CERS3: variants seen among roughly 807,000 people sequenced by gnomAD.
CERS3 encodes the protein ceramide synthase 3.
In CERS3, 33 loss-of-function variants were observed where a neutral mutation model predicts 50.3. That is an observed-to-expected ratio of 0.66 (90% CI 0.50 to 0.88). The LOEUF (loss-of-function observed/expected upper bound fraction) is 0.88. Ranked by LOEUF, CERS3 falls within the 40% of genes least tolerant of loss-of-function variation. The pLI is 0.00. For missense variants in CERS3, 470 were observed against 460.3 expected, an observed-to-expected ratio of 1.02 and a Z score of -0.19; for synonymous variants, 176 against 155.2, an observed-to-expected ratio of 1.13 and a Z score of -0.99.
At chr15:100,513,760 C>T (rs1395670275) in intron 2 of CERS3, among the ~76,000 whole-genome samples, 3 of 152,042 alleles carry the variant, frequency 2.0e-5, no homozygotes, top group Non-Finnish European at 4.4e-5. Flanking sequence ...TGGTCTCAAA[C>T]TCCTGGGCTC....
intron 4 of CERS3, among the ~76,000 whole-genome samples, chr15:100,485,327 T>C (rs559376320): frequency 6.6e-6 from 1 of 152,298 alleles, no homozygotes; most frequent in Non-Finnish European, 1.5e-5. Context: ...TTTTGGGAAG[T>C]AGAAGTTGTA....
chr15:100,535,203 T>C (rs1247677500), intron 1 of CERS3, among the ~76,000 whole-genome samples: 1 of 152,232 alleles, frequency 6.6e-6, no homozygotes, highest in Non-Finnish European at 1.5e-5. Context: ...TTAATTTTAT[T>C]TTATTCTTAT....
chr15:100,449,393 C>A (rs2034069960), intron 11 of CERS3, among the ~76,000 whole-genome samples: 1 of 152,220 alleles, frequency 6.6e-6, no homozygotes, highest in Non-Finnish European at 1.5e-5. Flanking sequence ...CAAAGGCCAA[C>A]CTACCTCCTG....
At chr15:100,530,872 C>A (rs2036920811), upstream of CERS3, among the ~76,000 whole-genome samples, 1 of 152,114 alleles carries the variant, frequency 6.6e-6, no homozygotes, top group Non-Finnish European at 1.5e-5. Flanking sequence ...CCCTTGAGGT[C>A]AGGAGTTTGA....
chr15:100,409,023 A>G (rs2031273872), intron 11 of CERS3, among the ~76,000 whole-genome samples: 1 of 152,206 alleles, frequency 6.6e-6, no homozygotes, highest in African/African-American at 2.4e-5. Context: ...GCAATGCTCT[A>G]CAGACCCTTG....
intron 11 of CERS3, among the ~76,000 whole-genome samples, chr15:100,412,056 T>C (rs1047919693): frequency 6.6e-6 from 1 of 152,224 alleles, no homozygotes. Context: ...TCTCTCATTT[T>C]GTGGGTTACC....
chr15:100,438,268 C>G (rs1026990401), intron 11 of CERS3, among the ~76,000 whole-genome samples: 3 of 152,044 alleles, frequency 2.0e-5, no homozygotes, highest in African/African-American at 7.2e-5. Flanking sequence ...TGGTTTCAAT[C>G]TCCTGACCTC....
At chr15:100,497,886 CACACACACACTTT>C (rs761590903) in intron 3 of CERS3, among the ~76,000 whole-genome samples, 25 of 103,610 alleles carry the variant, frequency 2.4e-4, no homozygotes, top group Non-Finnish European at 2.3e-4. Flanking sequence ...CACACACACA[CACACACACACTTT>C]TTTTTTTTTT....
At chr15:100,536,316 G>T (rs2037073887) in intron 1 of CERS3, among the ~76,000 whole-genome samples, 1 of 152,282 alleles carries the variant, frequency 6.6e-6, no homozygotes, top group South Asian at 2.1e-4. Flanking sequence ...ACAGGGTTTT[G>T]CTCTGTTGCT....
intron 11 of CERS3, among the ~76,000 whole-genome samples, chr15:100,447,306 T>C (rs2033982130): frequency 6.6e-6 from 1 of 152,248 alleles, no homozygotes; most frequent in East Asian, 1.9e-4. Context: ...AATAACTCTT[T>C]CAAGCAATTG....
chr15:100,467,846 T>TATAG lies in CERS3; in HGVS notation c.845+1531_845+1532insCTAT, dbSNP rs1285382789. The stretch of plus-strand genomic sequence containing the variant: ...GTGTATATATATACGTGTATATATA[T>TATAG]ATATATAGATAGATAGATAGATAGA... On this transcript the variant is annotated intron_variant, in intron 10 of 11. Transcript: ENST00000679737. Among the ~76,000 whole-genome samples the TATAG allele has an allele frequency of 2.0e-4, 8 of 39,090 alleles. 1 individual carries two copies. The highest frequency in any genetic ancestry group is 3.3e-4 in the Non-Finnish European group (5 of 15,328). 25.6% of individuals were successfully genotyped at this position (39,090 alleles called of 152,430 possible). A position where few individuals can be genotyped will look rare whatever the true frequency, so the allele number is the denominator to read the frequency against.
chr15:100,490,966 C>A, intron 3 of CERS3, 35 bp from the exon 4 acceptor site: 1 of 1,265,862 alleles, frequency 7.9e-7, no homozygotes, highest in South Asian at 1.3e-5. Context: ...AGTTCAAAAT[C>A]TAAGAATAAA....
At position 100,483,778 on chromosome 15, in the gene CERS3, A is replaced by ATTTTTT. The variant is rs1300648690; in HGVS notation, c.407+771_407+772insAAAAAA. ...AGAAGGATCAATAATAATAATAATT[A>ATTTTTT]TTATTATTATTTTTTTTTTTGAGAC... On this transcript the variant is annotated intron_variant, in intron 5 of 11. Coordinates refer to ENST00000679737, the MANE Select transcript of CERS3 (RefSeq NM_001378789.1). Among the ~76,000 whole-genome samples the ATTTTTT allele has an allele frequency of 2.1e-3, 125 of 59,090 alleles. 1 individual carries two copies. The highest frequency in any genetic ancestry group is 3.6e-3 in the South Asian group (4 of 1,124). 38.8% of individuals were successfully genotyped at this position (59,090 alleles called of 152,430 possible).
chr15:100,438,792 C>T lies in CERS3; in HGVS notation c.999+17101G>A, dbSNP rs79834843. 9.8e-5 allele frequency among the ~76,000 whole-genome samples: 15 copies of T among 152,328 alleles called. 1 individual carries two copies. In the East Asian group the frequency reaches 2.5e-3, roughly 25 times the overall value. On this transcript the variant is annotated intron_variant, in intron 11 of 11. Transcript: ENST00000679737. ...GCTTTTGTGTCTGCATGCTACAGTT[C>T]CCCCCGCACGTCTTGACTACTCACC...
chr15:100,471,387 A>G (rs146252548), intron 9 of CERS3, among the ~76,000 whole-genome samples: 200 of 152,318 alleles, frequency 1.3e-3, no homozygotes, highest in Middle Eastern at 3.4e-3. Context: ...TACTTAGGGA[A>G]TCATGTCACA....
intron 11 of CERS3, among the ~76,000 whole-genome samples, chr15:100,403,990 T>C (rs1414119421): frequency 6.6e-6 from 1 of 152,146 alleles, no homozygotes; most frequent in African/African-American, 2.4e-5. Context: ...CTCTATGGCA[T>C]CACAAGTGGT....
chr15:100,478,624 A>G (rs1253044930), intron 7 of CERS3, among the ~76,000 whole-genome samples: 1 of 152,216 alleles, frequency 6.6e-6, no homozygotes, highest in Non-Finnish European at 1.5e-5. Context: ...ACATTCTTTT[A>G]GAACTGATGA....
intron 11 of CERS3, among the ~76,000 whole-genome samples, chr15:100,424,943 C>CA (rs1441655890): frequency 2.0e-5 from 3 of 152,176 alleles, no homozygotes; most frequent in African/African-American, 7.2e-5. Flanking sequence ...TAGCTCCAGC[C>CA]ATGGCTAAAA....
chr15:100,493,805 G>T (rs562440804), intron 3 of CERS3, among the ~76,000 whole-genome samples: 1 of 152,128 alleles, frequency 6.6e-6, no homozygotes, highest in Admixed American at 6.5e-5. Flanking sequence ...AGTCATTGTA[G>T]TTTTCAACCC....
Sources: gnomAD v4.1 joint callset for allele counts (sites outside exome capture counted in the v4.1 genomes callset) on GRCh38, gnomAD v4.1.1 for gene constraint, MANE v1.5 for transcripts, NCBI Gene and HGNC (gene_info 2026-07-23, HGNC 2026-07-21) for gene names.